Variants in THSD7A observed in about 807,000 individuals in gnomAD.
The protein encoded by THSD7A is thrombospondin type 1 domain containing 7A, also known as thrombospondin type-1 domain-containing protein 7A.
In THSD7A, 96 loss-of-function variants were observed where a neutral mutation model predicts 231.3. That is an observed-to-expected ratio of 0.41 (90% CI 0.35 to 0.49). The LOEUF is 0.49. THSD7A is among the 20% of genes least tolerant of loss of function. The probability of loss-of-function intolerance (pLI) is 0.05; values close to 1 mark genes in which losing one functional copy is unlikely to be tolerated. For synonymous variants in THSD7A, 940 were observed against 743.3 expected, an observed-to-expected ratio of 1.26 and a Z score of -4.30; for missense variants, 2,290 against 2,070.2, an observed-to-expected ratio of 1.11 and a Z score of -2.06.
At chr7:11,643,370 G>C (rs546971240) in intron 1 of THSD7A, among the ~76,000 whole-genome samples, 16 of 151,914 alleles carry the variant, frequency 1.1e-4, no homozygotes, top group African/African-American at 3.6e-4. Flanking sequence ...TCTGTAAAAA[G>C]ATTAGAAATT....
chr7:11,380,081 T>A (rs1782451248), intron 24 of THSD7A, among the ~76,000 whole-genome samples: 1 of 152,218 alleles, frequency 6.6e-6, no homozygotes, highest in Non-Finnish European at 1.5e-5. Flanking sequence ...AAATTCTTTC[T>A]TGGAGATTCA....
chr7:11,654,222 A>C (rs528510430), intron 1 of THSD7A, among the ~76,000 whole-genome samples: 15 of 152,028 alleles, frequency 9.9e-5, no homozygotes, highest in African/African-American at 3.6e-4. Flanking sequence ...TTTTTCACAC[A>C]ACAATTTTAG....
Position 11,688,365 on chromosome 7 carries a change from T to C in THSD7A, c.191-51404A>G, listed in dbSNP as rs570916990. 2.6e-5 allele frequency among the ~76,000 whole-genome samples: 4 copies of C among 151,850 alleles called. No homozygotes were observed. The South Asian group carries it at 8.3e-4, about 32-fold the overall frequency. On this transcript the variant is annotated intron_variant, in intron 1 of 27. Transcript: ENST00000423059. ...CTAGCTAATGGGGCCCAACAATCAATACTATTTTAAAGCTCCTCAGATATT... is the reference window on the plus strand; with the variant it reads ...CTAGCTAATGGGGCCCAACAATCAACACTATTTTAAAGCTCCTCAGATATT...
At chr7:11,424,918 G>C (rs903143086) in intron 15 of THSD7A, 89 bp from the exon 16 acceptor site, 8 of 1,499,470 alleles carry the variant, frequency 5.3e-6, no homozygotes, top group Non-Finnish European at 7.3e-6. Context: ...TCATTTCACT[G>C]TGAAGCTACT....
intron 26 of THSD7A, chr7:11,378,260 T>G (rs181037268): frequency 1.1e-4 from 17 of 152,270 alleles, no homozygotes; most frequent in Admixed American, 1.0e-3. Flanking sequence ...CTTCATAGAC[T>G]AGTAGTTCTT....
chr7:11,668,517 AAAAG>A (rs1302458957), intron 1 of THSD7A, among the ~76,000 whole-genome samples: 3 of 95,098 alleles, frequency 3.2e-5, no homozygotes, highest in Non-Finnish European at 4.5e-5. Context: ...AAGAAAGAAA[AAAAG>A]AAAGACAGAA....
At chr7:11,394,464 G>A (rs1026001846) in intron 23 of THSD7A, among the ~76,000 whole-genome samples, 1 of 152,138 alleles carries the variant, frequency 6.6e-6, no homozygotes, top group Non-Finnish European at 1.5e-5. Flanking sequence ...GGAAAGGTGC[G>A]AAGGCTCTGC....
intron 1 of THSD7A, among the ~76,000 whole-genome samples, chr7:11,706,686 T>A (rs2128146965): frequency 6.9e-6 from 1 of 143,932 alleles, no homozygotes; most frequent in East Asian, 2.1e-4. Flanking sequence ...CAAGAACACA[T>A]TTGCTTCTTA....
At chr7:11,765,185 G>A (rs1562538449) in intron 1 of THSD7A, among the ~76,000 whole-genome samples, 1 of 151,932 alleles carries the variant, frequency 6.6e-6, no homozygotes, top group Non-Finnish European at 1.5e-5. Flanking sequence ...AGTAGTTCAG[G>A]GACTTATTTA....
intron 1 of THSD7A, among the ~76,000 whole-genome samples, chr7:11,668,458 AG>A (rs1783237264): frequency 2.3e-5 from 1 of 42,998 alleles, no homozygotes; most frequent in Non-Finnish European, 5.6e-5. Flanking sequence ...AGAGAGAGAG[AG>A]AAAGAAAGAA....
At chr7:11,556,673 C>T (rs182373990) in intron 4 of THSD7A, among the ~76,000 whole-genome samples, 160 of 151,938 alleles carry the variant, frequency 1.1e-3, no homozygotes, top group African/African-American at 3.7e-3. Context: ...AACAACTTCT[C>T]TTAGTTTTCC....
chr7:11,388,758 G>A (rs1782864622), intron 23 of THSD7A, among the ~76,000 whole-genome samples: 1 of 152,160 alleles, frequency 6.6e-6, no homozygotes, highest in African/African-American at 2.4e-5. Flanking sequence ...TGATGTTAGA[G>A]TGTAAATTTT....
intron 6 of THSD7A, among the ~76,000 whole-genome samples, chr7:11,493,677 T>C (rs566353453): frequency 2.6e-5 from 4 of 152,222 alleles, no homozygotes; most frequent in Admixed American, 1.3e-4. Context: ...TGGCCCATTG[T>C]ACCATTTTAA....
intron 2 of THSD7A, among the ~76,000 whole-genome samples, chr7:11,629,055 T>C (rs2128356892): frequency 6.6e-6 from 1 of 152,302 alleles, no homozygotes; most frequent in Non-Finnish European, 1.5e-5. Context: ...AGAGGACTGC[T>C]GGATACAGGC....
At chr7:11,580,569 C>A (rs1007478300) in intron 4 of THSD7A, among the ~76,000 whole-genome samples, 1 of 152,134 alleles carries the variant, frequency 6.6e-6, no homozygotes, top group East Asian at 1.9e-4. Flanking sequence ...AGAATGAAAT[C>A]ATATCCTTTG....
chr7:11,612,154 A>T (rs1468909412), intron 2 of THSD7A, among the ~76,000 whole-genome samples: 3 of 151,950 alleles, frequency 2.0e-5, no homozygotes, highest in Admixed American at 6.6e-5. Context: ...ACCCATGATG[A>T]CCCCATGCTG....
intron 6 of THSD7A, among the ~76,000 whole-genome samples, chr7:11,523,994 T>C (rs1211401328): frequency 6.6e-6 from 1 of 152,218 alleles, no homozygotes; most frequent in Non-Finnish European, 1.5e-5. Flanking sequence ...CAACATTTCA[T>C]AGTTTCTACT....
At chr7:11,539,506 TTG>T (rs1789052190) in intron 6 of THSD7A, among the ~76,000 whole-genome samples, 1 of 152,216 alleles carries the variant, frequency 6.6e-6, no homozygotes, top group African/African-American at 2.4e-5. Flanking sequence ...CTCATTTGTA[TTG>T]TGAGTTATCA....
intron 1 of THSD7A, among the ~76,000 whole-genome samples, chr7:11,755,338 C>T (rs1435452920): frequency 2.0e-5 from 3 of 152,068 alleles, no homozygotes; most frequent in Admixed American, 6.6e-5. Flanking sequence ...TATTACAATA[C>T]CAATTAAAAG....
Sources: allele counts gnomAD v4.1 joint callset (sites outside exome capture counted in the v4.1 genomes callset), GRCh38; gene constraint gnomAD v4.1.1; transcripts MANE v1.5; gene names NCBI Gene and HGNC (gene_info 2026-07-23, HGNC 2026-07-21).